The following DSCAML1 variants were observed in gnomAD, a reference collection of about 807,000 sequenced individuals.
The protein encoded by DSCAML1 is DS cell adhesion molecule like 1.
In DSCAML1, 38 loss-of-function variants were observed where a neutral mutation model predicts 200.5. That is an observed-to-expected ratio of 0.19 (90% CI 0.15 to 0.25). DSCAML1 has a LOEUF of 0.25. DSCAML1 is among the 10% of genes least tolerant of loss of function. The probability of loss-of-function intolerance (pLI) is 1.00; values close to 1 mark genes in which losing one functional copy is unlikely to be tolerated. For synonymous variants in DSCAML1, 1,215 were observed against 1,165.0 expected (o/e 1.04, Z -0.87); for missense variants, 2,223 against 2,858.8 (o/e 0.78, Z 5.07).
chr11:117,457,537 C>T (rs902456374), intron 19 of DSCAML1, among the ~76,000 whole-genome samples: 2 of 152,190 alleles, frequency 1.3e-5, no homozygotes, highest in Non-Finnish European at 2.9e-5. Context: ...GGTGGCTCTG[C>T]CCGGAGCTGT....
chr11:117,479,339 G>A (rs530223662), intron 14 of DSCAML1, among the ~76,000 whole-genome samples: 2 of 152,374 alleles, frequency 1.3e-5, no homozygotes, highest in South Asian at 4.1e-4. Flanking sequence ...AGATTCTACT[G>A]TTTTCTATGC....
chr11:117,767,062 C>T (rs1413715720), intron 3 of DSCAML1, among the ~76,000 whole-genome samples: 1 of 152,134 alleles, frequency 6.6e-6, no homozygotes, highest in Non-Finnish European at 1.5e-5. Context: ...GTGTCTCCCG[C>T]AGATGTGTTT....
intron 20 of DSCAML1, among the ~76,000 whole-genome samples, chr11:117,447,379 T>G (rs981465252): frequency 7.2e-5 from 11 of 152,160 alleles, no homozygotes; most frequent in African/African-American, 2.7e-4. Flanking sequence ...CATTACGTTA[T>G]GTATAATATT....
In DSCAML1 at chr11:117,503,700, C is replaced by A; in HGVS notation, c.2359+145G>T. On this transcript the variant is annotated intron_variant, in intron 11 of 32. Coordinates refer to ENST00000651296, the MANE Select transcript of DSCAML1 (RefSeq NM_020693.4). The surrounding 1 kb of genome is among the most constrained non-coding windows in gnomAD (Gnocchi z 5.2). Reference sequence around the variant, plus strand: ...CTTTTGAATGCCCCATCCAAGGGTCCCAAGGCCACCTCTCACTAGGAAGCC... The same window carrying A: ...CTTTTGAATGCCCCATCCAAGGGTCACAAGGCCACCTCTCACTAGGAAGCC... 1 of 994,072 alleles carries A rather than the reference C, an allele frequency of 1.0e-6. No individual in the cohort carries two copies. The allele number at this position is 994,072 out of a possible 1,614,324, so 61.6% of individuals were successfully genotyped here.
Position 117,435,763 on chromosome 11 carries a change from C to A in DSCAML1, c.4757G>T (p.Gly1586Val), listed in dbSNP as rs1394527724. The change falls in exon 27 of 33, where the codon GGG becomes GTG. Residue 1586 changes from glycine (G) to valine (V), a missense_variant. This residue lies in a region of DSCAML1 where 614 missense variants were observed against 739.1 expected (regional missense o/e 0.83). Transcript: ENST00000651296. The part of the protein sequence containing the change: ...IPPIKSAQGE[G>V]DDVKKLFTIG... Reference sequence around the variant, plus strand: ...GGTGAACAGCTTCTTCACATCATCCCCTTCACCTTGAGCAGACTTGATGGG... The same window carrying A: ...GGTGAACAGCTTCTTCACATCATCCACTTCACCTTGAGCAGACTTGATGGG... The A allele has an allele frequency of 1.9e-6, 3 of 1,613,086 alleles. No individual in the cohort carries two copies. In the African/African-American group the frequency reaches 4.0e-5, roughly 22 times the overall value.
intron 3 of DSCAML1, among the ~76,000 whole-genome samples, chr11:117,770,464 A>G (rs2134035873): frequency 6.6e-6 from 1 of 152,306 alleles, no homozygotes; most frequent in East Asian, 1.9e-4. Flanking sequence ...GTGAAGGACC[A>G]CCAAGATTAG....
chr11:117,723,639 C>T (rs931609678), intron 3 of DSCAML1, among the ~76,000 whole-genome samples: 14 of 152,160 alleles, frequency 9.2e-5, no homozygotes, highest in Admixed American at 1.3e-4. Flanking sequence ...GAAGCCTGCC[C>T]GGGGTTGGCG....
At chr11:117,453,826 C>T (rs1490711824) in intron 19 of DSCAML1, among the ~76,000 whole-genome samples, 2 of 151,392 alleles carry the variant, frequency 1.3e-5, no homozygotes, top group Non-Finnish European at 2.9e-5. Context: ...TGACTGCAAC[C>T]TCCGCCTCCT....
intron 3 of DSCAML1, among the ~76,000 whole-genome samples, chr11:117,665,478 CG>C (rs1232164754): frequency 3.9e-5 from 6 of 152,226 alleles, no homozygotes; most frequent in Admixed American, 3.9e-4. Flanking sequence ...GGAGTGGCTC[CG>C]GGTTTTTGGA....
At chr11:117,596,409 G>A (rs955275736) in intron 3 of DSCAML1, among the ~76,000 whole-genome samples, 2 of 151,470 alleles carry the variant, frequency 1.3e-5, no homozygotes, top group Non-Finnish European at 2.9e-5. Flanking sequence ...AAAAATCTCA[G>A]TAGGACATGC....
chr11:117,777,310 G>A (rs2055144255), intron 2 of DSCAML1, among the ~76,000 whole-genome samples: 1 of 152,142 alleles, frequency 6.6e-6, no homozygotes, highest in Non-Finnish European at 1.5e-5. Context: ...TTCACCAAGG[G>A]GATGTGCAGG....
chr11:117,793,899 A>T (rs580842), intron 1 of DSCAML1, among the ~76,000 whole-genome samples: 1 of 152,174 alleles, frequency 6.6e-6, no homozygotes, highest in Non-Finnish European at 1.5e-5. Flanking sequence ...TGGCCCTGCC[A>T]ATCTCCCTCA....
intron 3 of DSCAML1, among the ~76,000 whole-genome samples, chr11:117,772,122 A>G (rs2055049660): frequency 6.6e-6 from 1 of 152,110 alleles, no homozygotes; most frequent in East Asian, 1.9e-4. Flanking sequence ...AAAGAGGGGC[A>G]GGGTGTCAAC....
intron 3 of DSCAML1, among the ~76,000 whole-genome samples, chr11:117,673,015 A>C (rs958934536): frequency 5.3e-5 from 8 of 152,050 alleles, no homozygotes; most frequent in Non-Finnish European, 1.0e-4. Context: ...CTGGGCTCTA[A>C]GACGTCTGTG....
intron 3 of DSCAML1, among the ~76,000 whole-genome samples, chr11:117,577,112 T>C (rs1202221347): frequency 6.6e-6 from 1 of 152,168 alleles, no homozygotes; most frequent in Non-Finnish European, 1.5e-5. Flanking sequence ...GTCTAACCCA[T>C]AGGTCCCTGG....
At chr11:117,730,728 T>C (rs964176459) in intron 3 of DSCAML1, among the ~76,000 whole-genome samples, 1 of 152,162 alleles carries the variant, frequency 6.6e-6, no homozygotes, top group African/African-American at 2.4e-5. Flanking sequence ...AATTAAAACA[T>C]ACACCCGCAC....
At chr11:117,747,758 T>C (rs2054541477) in intron 3 of DSCAML1, among the ~76,000 whole-genome samples, 1 of 152,098 alleles carries the variant, frequency 6.6e-6, no homozygotes, top group African/African-American at 2.4e-5. Context: ...CAATACCCAA[T>C]CTCACAATCG....
intron 3 of DSCAML1, among the ~76,000 whole-genome samples, chr11:117,606,867 C>T (rs1219441802): frequency 6.6e-6 from 1 of 152,170 alleles, no homozygotes; most frequent in Non-Finnish European, 1.5e-5. Context: ...GGTGCCTGTT[C>T]AGTAGGCCAC....
At chr11:117,450,353 A>G (rs1320882575) in intron 20 of DSCAML1, among the ~76,000 whole-genome samples, 196 bp downstream of exon 20, 2 of 152,232 alleles carry the variant, frequency 1.3e-5, no homozygotes, top group Admixed American at 6.5e-5. Context: ...TGGCCTCTGG[A>G]ACAGAGGACT....
Sources: gnomAD v4.1 joint callset for allele counts (sites outside exome capture counted in the v4.1 genomes callset) on GRCh38, gnomAD v4.1.1 for gene constraint, gnomAD v4.1.1 regional missense constraint, Gnocchi (gnomAD v3.1) non-coding constraint, MANE v1.5 for transcripts, NCBI Gene and HGNC (gene_info 2026-07-23, HGNC 2026-07-21) for gene names.